The following C12orf57 variants were observed in gnomAD, a reference collection of about 807,000 sequenced individuals.
C12orf57 encodes protein C10.
In C12orf57, 14 loss-of-function variants were observed where a neutral mutation model predicts 11.3. The ratio of observed to expected loss-of-function variants is 1.24; its 90% CI spans 0.82 to 1.94. The LOEUF (loss-of-function observed/expected upper bound fraction) is 1.94. C12orf57 is among the 30% of genes most tolerant of loss of function. The pLI, the probability that C12orf57 is intolerant of heterozygous loss-of-function variation, is 0.00. For synonymous variants in C12orf57, 100 were observed against 74.6 expected (o/e 1.34, Z -1.76); for missense variants, 229 against 172.4 (o/e 1.33, Z -1.84).
At chr12:6,943,661 A>T (rs1041046732), upstream of C12orf57, 7 of 1,287,742 alleles carry the variant, frequency 5.4e-6, no homozygotes, top group East Asian at 5.5e-5. Context: ...TGAATGACTT[A>T]AGTAAGTTCC....
upstream of C12orf57, chr12:6,943,506 A>G (rs1555145285): frequency 7.8e-7 from 1 of 1,274,810 alleles, no homozygotes; most frequent in Admixed American, 2.6e-5. Context: ...AACTGCGACA[A>G]CGGCTTTTGC....
chr12:6,945,093 A>C, intron 2 of C12orf57: 1 of 280,824 alleles, frequency 3.6e-6, no homozygotes. Flanking sequence ...AGTCTCCCCC[A>C]CCCCCCACTA....
upstream of C12orf57, chr12:6,943,920 C>CAA: frequency 7.8e-7 from 1 of 1,288,382 alleles, no homozygotes; most frequent in Non-Finnish European, 1.0e-6. Flanking sequence ...TTTCACTGTG[C>CAA]AAAAATTATG....
chr12:6,944,728 G>T, intron 2 of C12orf57, 76 bp downstream of exon 2: 1 of 1,592,066 alleles, frequency 6.3e-7, no homozygotes. Flanking sequence ...GGATCTGTGG[G>T]CCCATGAGCG....
rs782518073 is a variant in C12orf57, at chr12:6,944,163, G to A, written c.42G>A (p.Glu14=). The part of the protein sequence containing the change: ...ASTQPAALSA[E]QAKVVLAEVI... The stretch of plus-strand genomic sequence containing the variant: ...CCCAACCGGCGGCCTTGAGCGCTGA[G>A]CAAGCAAAGGGTGAGAATCGTCCTA... Residue 14 remains glutamate (E), a synonymous_variant, in exon 1 of 3, where the codon GAG becomes GAA. Coordinates refer to ENST00000229281, the MANE Select transcript of C12orf57 (RefSeq NM_138425.4). 7 of 1,614,084 alleles carry A rather than the reference G, an allele frequency of 4.3e-6. No homozygotes were observed. The Admixed American group carries it at 6.7e-5, about 15-fold the overall frequency.
At position 6,945,755 on chromosome 12, in the gene C12orf57, C is replaced by T. The variant is rs782632383; in HGVS notation, c.230-16C>T. 2 of 1,612,776 alleles carry T rather than the reference C, an allele frequency of 1.2e-6. No homozygotes were observed. Among genetic ancestry groups the T allele is most frequent in the Non-Finnish European group, 1.7e-6 (2 of 1,179,490 alleles). Reference sequence around the variant, plus strand: ...GGTCCTTAGGAGAAGGGTTGACCTTCCACTCCCTCTTGCAGGTGTCCTTAA... The same window carrying T: ...GGTCCTTAGGAGAAGGGTTGACCTTTCACTCCCTCTTGCAGGTGTCCTTAA... On this transcript the variant is annotated splice_polypyrimidine_tract_variant and intron_variant, in intron 2 of 2. Transcript: ENST00000229281.
At chr12:6,943,528 A>C (rs1483085241), upstream of C12orf57, 2 of 1,286,692 alleles carry the variant, frequency 1.6e-6, no homozygotes, top group South Asian at 1.2e-5. Flanking sequence ...CTGGGCCTTT[A>C]CTGCCGAATC....
upstream of C12orf57, chr12:6,943,452 G>A (rs782388631): frequency 4.2e-6 from 5 of 1,185,204 alleles, no homozygotes; most frequent in South Asian, 2.8e-5. Flanking sequence ...AAATCGGGCC[G>A]GGCATTAGGC....
chr12:6,944,397 C>T (rs937760994), intron 1 of C12orf57, 79 bp from the exon 2 acceptor site: 35 of 1,564,644 alleles, frequency 2.2e-5, no homozygotes, highest in Non-Finnish European at 2.7e-5. Context: ...CCACTAATTC[C>T]TTGCGCTCTC....
chr12:6,944,538 G>C lies in C12orf57; in HGVS notation c.115G>C (p.Ala39Pro), dbSNP rs1555146015. ...APENAVRMDE[A>P]RDNACNDMGK... ...GGAGAATGCAGTGCGCATGGACGAG[G>C]CTCGGGATAACGCCTGCAACGACAT... is the stretch of plus-strand genomic sequence containing the variant. The change falls in exon 2 of 3, where the codon GCT (alanine) becomes CCT (proline). Residue 39 changes from alanine (A) to proline (P), a missense_variant. By Grantham distance (27) the Ala-to-Pro change is conservative. Transcript: ENST00000229281. 3 of 1,614,086 alleles carry C rather than the reference G, an allele frequency of 1.9e-6. No individual in the cohort carries two copies. The highest frequency in any genetic ancestry group is 1.7e-6 in the Non-Finnish European group (2 of 1,180,032).
At chr12:6,943,970 T>A (rs1395352721), upstream of C12orf57, 4 of 1,557,546 alleles carry the variant, frequency 2.6e-6, no homozygotes, top group Non-Finnish European at 3.4e-6. Context: ...AAGCTTGGGG[T>A]ATGAAGGTTT....
chr12:6,944,732 A>C, intron 2 of C12orf57, 80 bp downstream of exon 2: 3 of 1,590,146 alleles, frequency 1.9e-6, no homozygotes, highest in Non-Finnish European at 2.6e-6. Context: ...CTGTGGGCCC[A>C]TGAGCGGTTG....
chr12:6,944,264 T>C (rs1008724844), intron 1 of C12orf57, 91 bp downstream of exon 1: 1 of 1,607,846 alleles, frequency 6.2e-7, no homozygotes, highest in East Asian at 2.2e-5. Context: ...GCGGAGGATG[T>C]GGGGCGACAA....
intron 2 of C12orf57, 47 bp downstream of exon 2, chr12:6,944,699 T>G: frequency 1.2e-6 from 2 of 1,600,936 alleles, no homozygotes; most frequent in Non-Finnish European, 1.7e-6. Context: ...AGGCGGGAGT[T>G]GGGTCGGGAG....
chr12:6,943,540 AGGTCTCCG>A (rs1555145308), upstream of C12orf57: 5 of 1,288,002 alleles, frequency 3.9e-6, no homozygotes, highest in South Asian at 6.2e-5. Flanking sequence ...TGCCGAATCC[AGGTCTCCG>A]GGCTTAACAA....
At chr12:6,943,712 C>A, upstream of C12orf57, 1 of 1,276,830 alleles carries the variant, frequency 7.8e-7, no homozygotes, top group South Asian at 1.3e-5. Context: ...CCACATGCGT[C>A]GTTGTTTATA....
At chr12:6,943,904 G>C (rs782695534), upstream of C12orf57, 5 of 1,146,520 alleles carry the variant, frequency 4.4e-6, no homozygotes, top group Admixed American at 2.9e-5. Flanking sequence ...GCCAATGATA[G>C]ATTGTTTTCA....
At chr12:6,943,532 C>G (rs1555145300), upstream of C12orf57, 5 of 1,287,364 alleles carry the variant, frequency 3.9e-6, no homozygotes, top group Admixed American at 9.3e-5. Flanking sequence ...GCCTTTACTG[C>G]CGAATCCAGG....
chr12:6,945,710 C>T (rs1280126558), intron 2 of C12orf57, 61 bp from the exon 3 acceptor site: 4 of 1,570,680 alleles, frequency 2.5e-6, no homozygotes, highest in Non-Finnish European at 3.5e-6. Flanking sequence ...ACCACCCCCT[C>T]CAGGTGTCTT....
Sources: allele counts gnomAD v4.1 joint callset, GRCh38; gene constraint gnomAD v4.1.1; transcripts MANE v1.5; gene names NCBI Gene and HGNC (gene_info 2026-07-23, HGNC 2026-07-21).